Variants in PFKFB3 observed in about 807,000 individuals in gnomAD.
PFKFB3 encodes the protein 6-phosphofructo-2-kinase/fructose-2,6-bisphosphatase 3.
Under a neutral mutation model 68.0 loss-of-function variants are expected in PFKFB3, and 33 were observed. That is an observed-to-expected ratio of 0.49 (90% CI 0.37 to 0.65). The LOEUF is 0.65. Ranked by LOEUF, PFKFB3 falls within the 30% of genes least tolerant of loss-of-function variation. The probability of loss-of-function intolerance (pLI) is 0.00; values close to 1 mark genes in which losing one functional copy is unlikely to be tolerated. For synonymous variants in PFKFB3, 315 were observed against 288.2 expected (o/e 1.09, Z -0.94); for missense variants, 586 against 712.2 (o/e 0.82, Z 2.02).
chr10:6,151,342 G>A (rs944017734), intron 1 of PFKFB3, among the ~76,000 whole-genome samples: 1 of 150,700 alleles, frequency 6.6e-6, no homozygotes, highest in Admixed American at 6.6e-5. Flanking sequence ...GCTCCGGAAG[G>A]TGCTCTGACA....
chr10:6,243,215 A>G (rs1439669656), intron 14 of PFKFB3, among the ~76,000 whole-genome samples: 1 of 152,236 alleles, frequency 6.6e-6, no homozygotes, highest in Admixed American at 6.5e-5. Flanking sequence ...AGAGAAAAAA[A>G]GAGAGATCCC....
intron 7 of PFKFB3, 112 bp downstream of exon 7, chr10:6,219,805 GAC>G: frequency 8.3e-7 from 1 of 1,205,570 alleles, no homozygotes; most frequent in Non-Finnish European, 1.2e-6. Flanking sequence ...ATTTTTTTAA[GAC>G]AGTTTTTTTT....
chr10:6,237,031 T>G (rs1418220064), downstream of PFKFB3, among the ~76,000 whole-genome samples: 1 of 151,360 alleles, frequency 6.6e-6, no homozygotes, highest in Non-Finnish European at 1.5e-5. Context: ...CCGGCCACAC[T>G]GGCCTCCTGC....
chr10:6,183,849 G>T (rs935342130), intron 1 of PFKFB3, among the ~76,000 whole-genome samples: 1 of 151,056 alleles, frequency 6.6e-6, no homozygotes, highest in African/African-American at 2.4e-5. Flanking sequence ...CACCACGCCC[G>T]GCTAATTTTT....
chr10:6,210,919 AG>A (rs1216185321), intron 1 of PFKFB3, among the ~76,000 whole-genome samples: 1 of 56,208 alleles, frequency 1.8e-5, no homozygotes, highest in African/African-American at 3.8e-5. Flanking sequence ...CGTGTTAGCC[AG>A]GATAGTCTTG....
rs1037872595 is a variant in PFKFB3, at chr10:6,243,493, C to T, written c.1516-10685C>T. 1.7e-4 allele frequency among the ~76,000 whole-genome samples: 26 copies of T among 152,322 alleles called. No individual in the cohort carries two copies. The South Asian group carries it at 2.5e-3, about 15-fold the overall frequency. ...TCCCCCTGGGAAGGGAACTGGGACA[C>T]GACCCTGGGCAGGCTCTGGGTGCTG... On this transcript the variant is annotated intron_variant, in intron 14 of 14. Coordinates refer to the PFKFB3 transcript ENST00000640683.
the PFKFB3 span, among the ~76,000 whole-genome samples, chr10:6,303,597 G>A: frequency 1.3e-5 from 2 of 151,928 alleles, no homozygotes; most frequent in African/African-American, 2.4e-5. Flanking sequence ...GGTGGATTAC[G>A]AGGTCAGGAG....
chr10:6,151,904 T>C (rs1269965773), intron 1 of PFKFB3, among the ~76,000 whole-genome samples: 1 of 151,720 alleles, frequency 6.6e-6, no homozygotes, highest in Non-Finnish European at 1.5e-5. Flanking sequence ...ACGCCTTGTT[T>C]CTCGGAAGGA....
intron 1 of PFKFB3, among the ~76,000 whole-genome samples, chr10:6,162,807 T>A (rs2131717464): frequency 6.6e-6 from 1 of 152,260 alleles, no homozygotes; most frequent in South Asian, 2.1e-4. Flanking sequence ...TCCTTCCCAG[T>A]CTCGGCCTTG....
intron 1 of PFKFB3, among the ~76,000 whole-genome samples, chr10:6,160,570 T>A (rs1055507312): frequency 6.6e-6 from 1 of 151,980 alleles, no homozygotes; most frequent in Non-Finnish European, 1.5e-5. Flanking sequence ...ACAAAAAAAT[T>A]AGCTGGGCAT....
chr10:6,308,829 T>C, the PFKFB3 span, among the ~76,000 whole-genome samples: 1 of 152,134 alleles, frequency 6.6e-6, no homozygotes, highest in Non-Finnish European at 1.5e-5. Context: ...TGGAATCCCC[T>C]GGAAAGTCAT....
At chr10:6,199,480 T>C (rs1176202930), upstream of PFKFB3, among the ~76,000 whole-genome samples, 1 of 141,722 alleles carries the variant, frequency 7.1e-6, no homozygotes, top group Non-Finnish European at 1.5e-5. Flanking sequence ...ACCAGGCACT[T>C]GCTTTTTTTT....
intron 14 of PFKFB3, among the ~76,000 whole-genome samples, chr10:6,247,017 C>T (rs1846277384): frequency 6.6e-6 from 1 of 152,208 alleles, no homozygotes; most frequent in South Asian, 2.1e-4. Flanking sequence ...CAACAAGTCC[C>T]AAACGAAGTC....
chr10:6,152,220 A>G (rs1385420112), intron 1 of PFKFB3: 2 of 153,654 alleles, frequency 1.3e-5, no homozygotes, highest in East Asian at 4.0e-4. Flanking sequence ...CCCACTGCAG[A>G]GCCTGGGGAG....
At chr10:6,272,318 A>T in the PFKFB3 span, among the ~76,000 whole-genome samples, 2 of 152,138 alleles carry the variant, frequency 1.3e-5, no homozygotes, top group Non-Finnish European at 2.9e-5. Context: ...GATCGTTCCA[A>T]TTGCCCTATT....
intron 14 of PFKFB3, among the ~76,000 whole-genome samples, chr10:6,247,894 T>C (rs1315377128): frequency 6.6e-6 from 1 of 152,272 alleles, no homozygotes; most frequent in African/African-American, 2.4e-5. Flanking sequence ...AGCTGGTTAT[T>C]TATTTTTTCC....
At chr10:6,230,511 C>T (rs1020155171) in intron 14 of PFKFB3, among the ~76,000 whole-genome samples, 5 of 152,058 alleles carry the variant, frequency 3.3e-5, no homozygotes, top group Non-Finnish European at 5.9e-5. Context: ...AATATCTGGC[C>T]CCTAGGAAGT....
At chr10:6,223,670 T>A (rs1200610967) in intron 11 of PFKFB3, among the ~76,000 whole-genome samples, 3 of 152,204 alleles carry the variant, frequency 2.0e-5, no homozygotes, top group Admixed American at 1.3e-4. Context: ...TTGCGCAGGC[T>A]GCAGTGCAAT....
chr10:6,316,923 G>A, the PFKFB3 span, among the ~76,000 whole-genome samples: 1 of 152,164 alleles, frequency 6.6e-6, no homozygotes, highest in African/African-American at 2.4e-5. Context: ...CATTTTGCAA[G>A]TATGACTCCC....
Sources: allele counts gnomAD v4.1 joint callset (sites outside exome capture counted in the v4.1 genomes callset), GRCh38; gene constraint gnomAD v4.1.1; transcripts MANE v1.5; gene names NCBI Gene and HGNC (gene_info 2026-07-23, HGNC 2026-07-21).